Variants in ABCA9 observed in about 807,000 individuals in gnomAD.
The protein encoded by ABCA9 is ATP binding cassette subfamily A member 9, also known as ATP-binding cassette sub-family A member 9.
Under a neutral mutation model 205.3 loss-of-function variants are expected in ABCA9, and 183 were observed. That is an observed-to-expected ratio of 0.89 (90% CI 0.79 to 1.01). The LOEUF (loss-of-function observed/expected upper bound fraction) is 1.01. Ranked by LOEUF, ABCA9 falls within the 50% of genes least tolerant of loss-of-function variation. The pLI is 0.00. For synonymous variants in ABCA9, 651 were observed against 683.3 expected (o/e 0.95, Z 0.74); for missense variants, 1,805 against 1,912.4 (o/e 0.94, Z 1.05).
At chr17:69,008,321 T>G in intron 23 of ABCA9, 86 bp from the exon 24 acceptor site, 1 of 1,298,916 alleles carries the variant, frequency 7.7e-7, no homozygotes, top group East Asian at 2.3e-5. Context: ...AAAGCATTCA[T>G]TTTTGCTTCG....
chr17:69,045,976 CA>C (rs1266297173), intron 3 of ABCA9, among the ~76,000 whole-genome samples: 1 of 151,930 alleles, frequency 6.6e-6, no homozygotes, highest in East Asian at 1.9e-4. Context: ...CAATGAATTT[CA>C]AAAAATTATT....
Position 69,020,520 on chromosome 17 carries a change from T to C in ABCA9, c.2468A>G (p.Glu823Gly), listed in dbSNP as rs955223831. 1.2e-6 allele frequency: 2 copies of C among 1,614,028 alleles called. No homozygotes were observed. The highest frequency in any genetic ancestry group is 1.7e-6 in the Non-Finnish European group (2 of 1,179,988). The change falls in exon 19 of 39, where the codon GAA becomes GGA. Residue 823 changes from glutamate (E) to glycine (G), a missense_variant. Physicochemically the swap from Glu to Gly is moderately conservative, Grantham distance 98. Coordinates refer to ENST00000340001, the MANE Select transcript of ABCA9 (RefSeq NM_080283.4). ...AKDIGSLVEL[E>G]QVLSSFHETR... Reference sequence around the variant, plus strand: ...TTCGTGGAAGGAAGACAAAACTTGTTCCAGCTCAACAAGGCTTCCTATATC... The same window carrying C: ...TTCGTGGAAGGAAGACAAAACTTGTCCCAGCTCAACAAGGCTTCCTATATC...
chr17:69,021,692 CCTTCCTTTCTTT>C (rs755822130), intron 18 of ABCA9, 38 bp downstream of exon 18: 86 of 1,226,036 alleles, frequency 7.0e-5, no homozygotes, highest in Non-Finnish European at 9.8e-5. Flanking sequence ...TTCCTTCCTT[CCTTCCTTTCTTT>C]CTTTCTCCCT....
chr17:69,053,389 G>A (rs2071969772), intron 1 of ABCA9, among the ~76,000 whole-genome samples: 1 of 152,150 alleles, frequency 6.6e-6, no homozygotes, highest in Admixed American at 6.5e-5. Context: ...TATGACTCAG[G>A]AAATTACAAG....
intron 23 of ABCA9, chr17:69,011,696 T>TGTGA (rs1307754863): frequency 1.4e-5 from 4 of 287,692 alleles, no homozygotes. Flanking sequence ...TGATTATGTC[T>TGTGA]GTGAGTAAGT....
chr17:69,027,029 T>A lies in ABCA9; in HGVS notation c.1997A>T (p.Asp666Val), dbSNP rs2071014556. The change falls in exon 15 of 39, where the codon GAC becomes GTC. Residue 666 changes from aspartate (D) to valine (V), a missense_variant. Asp to Val is a radical substitution (Grantham distance 152). Coordinates refer to ENST00000340001, the MANE Select transcript of ABCA9 (RefSeq NM_080283.4). ...CTGGGTGCTGAAGAGAATTACTCTG[T>A]CTGATTTCCCCTCTTTCAGGAGATT... is the stretch of plus-strand genomic sequence containing the variant. The part of the protein sequence containing the change: ...IWNLLKEGKS[D>V]RVILFSTQFI... 1.2e-6 allele frequency: 2 copies of A among 1,614,164 alleles called. No individual in the cohort carries two copies. Among genetic ancestry groups the A allele is most frequent in the Non-Finnish European group, 1.7e-6 (2 of 1,179,996 alleles).
At chr17:69,050,926 T>A in intron 2 of ABCA9, 105 bp downstream of exon 2, 7 of 956,872 alleles carry the variant, frequency 7.3e-6, no homozygotes, top group Non-Finnish European at 1.0e-5. Flanking sequence ...TTAATTAGAC[T>A]ACACATATGT....
At chr17:68,983,926 CAGAGTAAGGCCACAT>C in intron 35 of ABCA9, 77 bp from the exon 36 acceptor site, 1 of 1,605,386 alleles carries the variant, frequency 6.2e-7, no homozygotes, top group East Asian at 2.2e-5. Context: ...CTCTGGAGGC[CAGAGTAAGGCCACAT>C]AGAGTTGGAA....
intron 3 of ABCA9, among the ~76,000 whole-genome samples, chr17:69,048,247 A>G (rs1160284943): frequency 6.6e-6 from 1 of 152,192 alleles, no homozygotes; most frequent in East Asian, 1.9e-4. Flanking sequence ...AGTCAAACCT[A>G]TCATGAGGTC....
chr17:69,013,874 C>CAGAG (rs2144232719), intron 22 of ABCA9, among the ~76,000 whole-genome samples: 1 of 152,198 alleles, frequency 6.6e-6, no homozygotes, highest in African/African-American at 2.4e-5. Context: ...AAAATTGTAA[C>CAGAG]AGAGAATGCC....
intron 10 of ABCA9, among the ~76,000 whole-genome samples, chr17:69,030,816 A>G (rs965268490): frequency 6.6e-6 from 1 of 152,170 alleles, no homozygotes; most frequent in African/African-American, 2.4e-5. Flanking sequence ...TAGATTGTAG[A>G]TTATTAGATT....
intron 27 of ABCA9, 133 bp downstream of exon 27, chr17:68,992,883 A>C (rs912354763): frequency 6.2e-5 from 40 of 644,366 alleles, no homozygotes; most frequent in Non-Finnish European, 9.0e-5. Context: ...GCATGCATGC[A>C]TGTGCATGTG....
chr17:69,071,901 A>G, the ABCA9 span, among the ~76,000 whole-genome samples: 5 of 152,190 alleles, frequency 3.3e-5, no homozygotes, highest in African/African-American at 1.2e-4. Flanking sequence ...AAGAACATAA[A>G]TGACCTGATG....
chr17:69,050,035 GTTAA>G (rs774996288), intron 2 of ABCA9, among the ~76,000 whole-genome samples: 64 of 151,974 alleles, frequency 4.2e-4, no homozygotes, highest in Non-Finnish European at 7.8e-4. Context: ...TAAGAACCTA[GTTAA>G]TTATTTAGTT....
Position 69,035,815 on chromosome 17 carries a change from A to G in ABCA9, c.801-14T>C, listed in dbSNP as rs1253240630. 1 of 1,606,926 alleles carries G rather than the reference A, an allele frequency of 6.2e-7. No homozygotes were observed. The highest frequency in any genetic ancestry group is 8.5e-7 in the Non-Finnish European group (1 of 1,176,498). ...CCCCAGGAAAGCCTAGCAGAGAAACAAAGCCGTCAGTTAGAATGTTGTTAC... is the reference window on the plus strand; with the variant it reads ...CCCCAGGAAAGCCTAGCAGAGAAACGAAGCCGTCAGTTAGAATGTTGTTAC... On this transcript the variant is annotated splice_polypyrimidine_tract_variant and intron_variant, in intron 6 of 38. Coordinates refer to ENST00000340001, the MANE Select transcript of ABCA9 (RefSeq NM_080283.4).
At chr17:69,050,779 C>A (rs1316620517) in intron 2 of ABCA9, among the ~76,000 whole-genome samples, 1 of 151,708 alleles carries the variant, frequency 6.6e-6, no homozygotes, top group Non-Finnish European at 1.5e-5. Context: ...CTTTATTTTT[C>A]AAGGAGTTTC....
At chr17:69,044,409 A>G in intron 5 of ABCA9, 88 bp downstream of exon 5, 1 of 1,137,268 alleles carries the variant, frequency 8.8e-7, no homozygotes. Flanking sequence ...AATGAAGTGA[A>G]TAAATGATAG....
intron 31 of ABCA9, among the ~76,000 whole-genome samples, chr17:68,987,735 C>T (rs745721560): frequency 6.2e-5 from 9 of 144,200 alleles, no homozygotes; most frequent in Admixed American, 1.4e-4. Flanking sequence ...ACCTCATTTG[C>T]GTTTTTTTTT....
chr17:69,072,549 G>C, the ABCA9 span, among the ~76,000 whole-genome samples: 1 of 152,040 alleles, frequency 6.6e-6, no homozygotes, highest in Non-Finnish European at 1.5e-5. Context: ...CAAATGCTGA[G>C]GGATTTTGTC....
Sources: gnomAD v4.1 joint callset for allele counts (sites outside exome capture counted in the v4.1 genomes callset) on GRCh38, gnomAD v4.1.1 for gene constraint, MANE v1.5 for transcripts, NCBI Gene and HGNC (gene_info 2026-07-23, HGNC 2026-07-21) for gene names.